Variants in CRHR1 observed in about 807,000 individuals in gnomAD.
CRHR1 encodes corticotropin releasing hormone receptor 1.
CRHR1 carries 28 observed loss-of-function variants against 56.0 expected under a neutral mutation model. That is an observed-to-expected ratio of 0.50 (90% CI 0.37 to 0.69). The LOEUF (loss-of-function observed/expected upper bound fraction) is 0.69. CRHR1 is among the 30% of genes least tolerant of loss of function. The pLI is 0.00. For synonymous variants in CRHR1, 195 were observed against 216.5 expected (o/e 0.90, Z 0.87); for missense variants, 376 against 548.0 (o/e 0.69, Z 3.13).
intron 2 of CRHR1, 50 bp from the exon 3 acceptor site, chr17:45,816,413 G>T: frequency 1.2e-6 from 2 of 1,608,936 alleles, no homozygotes; most frequent in African/African-American, 1.3e-5. Flanking sequence ...GCCTGCCTGG[G>T]GCCTTGGCCG....
At chr17:45,796,363 C>T (rs1484604778) in intron 1 of CRHR1, among the ~76,000 whole-genome samples, 2 of 152,158 alleles carry the variant, frequency 1.3e-5, no homozygotes, top group African/African-American at 2.4e-5. Context: ...CATCCATTGG[C>T]AGGGTCCTAC....
intron 1 of CRHR1, among the ~76,000 whole-genome samples, chr17:45,797,238 G>A (rs561061727): frequency 3.3e-5 from 5 of 152,072 alleles, no homozygotes; most frequent in Admixed American, 6.5e-5. Context: ...CCATTTGTGC[G>A]GCCTGCGCAC....
chr17:45,833,472 C>A lies in CRHR1; in HGVS notation c.864C>A (p.Phe288Leu), dbSNP rs768110046. Residue 288 changes from phenylalanine (F) to leucine (L), a missense_variant, in exon 10 of 13, where the codon TTC becomes TTA. Phe to Leu is a conservative substitution (Grantham distance 22). Transcript: ENST00000314537. ...LVLLINFIFL[F>L]NIVRILMTKL... ...TGCAGATCAATTTCATCTTCCTTTT[C>A]AACATCGTCCGCATCCTCATGACCA... 3 of 1,614,024 alleles carry A rather than the reference C, an allele frequency of 1.9e-6. No homozygotes were observed. The highest frequency in any genetic ancestry group is 2.5e-6 in the Non-Finnish European group (3 of 1,180,004).
intron 1 of CRHR1, among the ~76,000 whole-genome samples, chr17:45,788,433 G>A (rs1047442653): frequency 6.6e-6 from 1 of 152,146 alleles, no homozygotes; most frequent in Non-Finnish European, 1.5e-5. Flanking sequence ...TAGAAAGAGG[G>A]GGGTGCCACG....
chr17:45,785,097 G>A (rs1409945759), intron 1 of CRHR1, among the ~76,000 whole-genome samples: 2 of 152,226 alleles, frequency 1.3e-5, no homozygotes, highest in African/African-American at 2.4e-5. Context: ...GCGCCTGCGA[G>A]CCCTTGATCA....
intron 4 of CRHR1, among the ~76,000 whole-genome samples, chr17:45,823,496 C>T (rs950605545): frequency 6.6e-5 from 10 of 151,392 alleles, no homozygotes; most frequent in African/African-American, 2.2e-4. Context: ...CAACCTCCAC[C>T]TCCCTGGTTC....
chr17:45,791,502 G>T (rs1409312202), intron 1 of CRHR1, among the ~76,000 whole-genome samples: 2 of 152,126 alleles, frequency 1.3e-5, no homozygotes, highest in Non-Finnish European at 2.9e-5. Flanking sequence ...GCCTGCCTTG[G>T]TCATTCTTGC....
At chr17:45,811,864 G>C (rs751860528) in intron 2 of CRHR1, among the ~76,000 whole-genome samples, 2 of 152,196 alleles carry the variant, frequency 1.3e-5, no homozygotes, top group Non-Finnish European at 2.9e-5. Flanking sequence ...ACAGAAATGT[G>C]TGTGTGTGTT....
chr17:45,784,590 C>T lies in CRHR1; in HGVS notation c.33+13C>T, dbSNP rs762257776. 5.8e-6 allele frequency: 9 copies of T among 1,546,680 alleles called. No homozygotes were observed. The highest frequency in any genetic ancestry group is 3.9e-5 in the Admixed American group (2 of 51,734). ...CCGTCTCGTCAAGGTAACAGCCCGC[C>T]GGCCATCCCTCGAGCGCTGGCGCCC... On this transcript the variant is annotated intron_variant, in intron 1 of 12. Coordinates refer to ENST00000314537, the MANE Select transcript of CRHR1 (RefSeq NM_004382.5). This position sits in a 1 kb window ranked among gnomAD's most constrained non-coding sequence, Gnocchi z 4.2.
Position 45,816,512 on chromosome 17 carries a change from C to G in CRHR1, c.171C>G (p.Arg57=). ...SVDLIGTCWP[R]SPAGQLVVRP... ...ACCTCATTGGCACCTGCTGGCCCCG[C>G]AGCCCTGCGGGGCAGCTAGTGGTTC... The change falls in exon 3 of 13, where the codon CGC becomes CGG. Residue 57 remains arginine, a synonymous_variant. Coordinates refer to ENST00000314537, the MANE Select transcript of CRHR1 (RefSeq NM_004382.5). 6.2e-7 allele frequency: 1 copy of G among 1,614,152 alleles called. No individual in the cohort carries two copies. The highest frequency in any genetic ancestry group is 8.5e-7 in the Non-Finnish European group (1 of 1,180,016).
At chr17:45,833,693 T>TGGGGGGGGGGGGGGGG in intron 10 of CRHR1, 21 bp from the exon 11 acceptor site, 9 of 1,571,602 alleles carry the variant, frequency 5.7e-6, no homozygotes, top group African/African-American at 1.4e-5. Context: ...ACTCCGAGCC[T>TGGGGGGGGGGGGGGGG]CCCCACCCGC....
intron 5 of CRHR1, 29 bp from the exon 6 acceptor site, chr17:45,830,065 C>A (rs2062260516): frequency 6.2e-7 from 1 of 1,613,558 alleles, no homozygotes; most frequent in African/African-American, 1.3e-5. Context: ...TCCTATCGCT[C>A]CCATCATCCA....
intron 1 of CRHR1, among the ~76,000 whole-genome samples, chr17:45,799,176 GC>G (rs2061575256): frequency 6.6e-6 from 1 of 152,202 alleles, no homozygotes; most frequent in Admixed American, 6.5e-5. Flanking sequence ...CCATGAGGGT[GC>G]CCCTCTGCTG....
intron 1 of CRHR1, among the ~76,000 whole-genome samples, chr17:45,794,638 G>A (rs1048012744): frequency 7.2e-5 from 11 of 152,210 alleles, no homozygotes; most frequent in Non-Finnish European, 2.9e-5. Flanking sequence ...TTCTGAGCAG[G>A]CCCCTTCCCC....
At chr17:45,831,158 C>T (rs2062300704) in intron 8 of CRHR1, among the ~76,000 whole-genome samples, 1 of 152,190 alleles carries the variant, frequency 6.6e-6, no homozygotes. Context: ...CCTCCTTTAT[C>T]TGCCTTGAGC....
intron 2 of CRHR1, among the ~76,000 whole-genome samples, chr17:45,808,519 TA>T (rs1020711161): frequency 2.0e-5 from 3 of 152,158 alleles, no homozygotes; most frequent in Admixed American, 6.5e-5. Flanking sequence ...TGTAGAGGGA[TA>T]GGGGGGCTGT....
chr17:45,794,150 C>A (rs2061475911), intron 1 of CRHR1, among the ~76,000 whole-genome samples: 1 of 152,242 alleles, frequency 6.6e-6, no homozygotes, highest in Non-Finnish European at 1.5e-5. Context: ...GGCGTGTGGT[C>A]CTGCTGTGTA....
chr17:45,821,272 C>T, intron 3 of CRHR1, 83 bp from the exon 4 acceptor site: 1 of 1,231,642 alleles, frequency 8.1e-7, no homozygotes, highest in Non-Finnish European at 1.2e-6. Context: ...TCTACAGATC[C>T]ATCTACGCAT....
intron 1 of CRHR1, among the ~76,000 whole-genome samples, chr17:45,786,720 G>A (rs2061343631): frequency 1.4e-5 from 2 of 141,230 alleles, no homozygotes; most frequent in Non-Finnish European, 3.0e-5. Flanking sequence ...GCTCACTGAA[G>A]CCTCAACCTC....
Sources: gnomAD v4.1 joint callset for allele counts (sites outside exome capture counted in the v4.1 genomes callset) on GRCh38, gnomAD v4.1.1 for gene constraint, Gnocchi (gnomAD v3.1) non-coding constraint, MANE v1.5 for transcripts, NCBI Gene and HGNC (gene_info 2026-07-23, HGNC 2026-07-21) for gene names.